Variants in GALNT18 observed in about 807,000 individuals in gnomAD.
The protein encoded by GALNT18 is GalNAc-transferase 18.
In GALNT18, 44 loss-of-function variants were observed where a neutral mutation model predicts 69.5. The ratio of observed to expected loss-of-function variants is 0.63; its 90% CI spans 0.50 to 0.81. The LOEUF (loss-of-function observed/expected upper bound fraction) is 0.81. GALNT18 is among the 40% of genes least tolerant of loss of function. The probability of loss-of-function intolerance (pLI) is 0.00; values close to 1 mark genes in which losing one functional copy is unlikely to be tolerated. For synonymous variants in GALNT18, 364 were observed against 318.2 expected, an observed-to-expected ratio of 1.14 and a Z score of -1.53; for missense variants, 715 against 810.0, an observed-to-expected ratio of 0.88 and a Z score of 1.42.
intron 2 of GALNT18, among the ~76,000 whole-genome samples, chr11:11,442,876 A>G (rs1855562924): frequency 1.3e-5 from 2 of 152,198 alleles, no homozygotes; most frequent in Non-Finnish European, 2.9e-5. Context: ...ACTGGTGAGA[A>G]GGGCAAAGTC....
At chr11:11,418,720 T>C (rs892922580) in intron 3 of GALNT18, among the ~76,000 whole-genome samples, 3 of 152,226 alleles carry the variant, frequency 2.0e-5, no homozygotes, top group Non-Finnish European at 2.9e-5. Context: ...CTGAGCGTGA[T>C]GGCTGACACT....
intron 10 of GALNT18, among the ~76,000 whole-genome samples, chr11:11,290,493 G>A (rs1270016700): frequency 6.6e-6 from 1 of 152,128 alleles, no homozygotes; most frequent in African/African-American, 2.4e-5. Context: ...TGGCCTTCCA[G>A]ACTCTTCAGC....
rs536800990 is a variant in GALNT18, at chr11:11,310,278, G to A, written c.1512+16808C>T. ...CACCCAAGAAGCCCCCAGAGGGTGC[G>A]AGAAGGGGAACACTGGCTCATTCCA... On this transcript the variant is annotated intron_variant, in intron 9 of 10. Coordinates refer to ENST00000227756, the MANE Select transcript of GALNT18 (RefSeq NM_198516.3). 2.0e-5 allele frequency among the ~76,000 whole-genome samples: 3 copies of A among 152,348 alleles called. No individual in the cohort carries two copies. In the East Asian group the frequency reaches 5.8e-4, roughly 29 times the overall value.
chr11:11,569,302 T>C (rs1213826992), intron 1 of GALNT18, among the ~76,000 whole-genome samples: 2 of 150,730 alleles, frequency 1.3e-5, no homozygotes, highest in African/African-American at 2.4e-5. Flanking sequence ...AGCTCAATGT[T>C]TTAGCTTTCT....
intron 1 of GALNT18, among the ~76,000 whole-genome samples, chr11:11,580,471 G>A (rs141543115): frequency 4.9e-4 from 74 of 152,212 alleles, no homozygotes; most frequent in African/African-American, 1.5e-3. Flanking sequence ...CCTCCCTTCC[G>A]CATCCTGCTA....
rs1283598486 is a variant in GALNT18 at position 11,573,443 on chromosome 11, G to C, written c.235+47916C>G. ...GCCACAATTAACTGAGCACTTACTT[G>C]GTGCCAGGAACTTGCTCACAAACGA... On this transcript the variant is annotated intron_variant, in intron 1 of 10. Coordinates refer to ENST00000227756, the MANE Select transcript of GALNT18 (RefSeq NM_198516.3). This position sits in a 1 kb window ranked among gnomAD's most constrained non-coding sequence, Gnocchi z 4.6. 1.3e-5 allele frequency: 2 copies of C among 152,190 alleles called. No homozygotes were observed. Among genetic ancestry groups the C allele is most frequent in the Non-Finnish European group, 2.9e-5 (2 of 68,040 alleles). The allele number at this position is 152,190 out of a possible 1,614,324, so 9.4% of individuals were successfully genotyped here.
At chr11:11,293,301 A>G in intron 9 of GALNT18, 108 bp from the exon 10 acceptor site, 1 of 876,738 alleles carries the variant, frequency 1.1e-6, no homozygotes, top group Non-Finnish European at 1.5e-6. Flanking sequence ...ACAGTTAGGG[A>G]AGACCCCGGA....
At chr11:11,409,224 T>C (rs573211274) in intron 3 of GALNT18, among the ~76,000 whole-genome samples, 2 of 152,232 alleles carry the variant, frequency 1.3e-5, no homozygotes, top group Non-Finnish European at 2.9e-5. Flanking sequence ...GCAGCCAGGA[T>C]GCTCTTCTCC....
In GALNT18 at chr11:11,339,757, C is replaced by T. The variant is rs1355986415; in HGVS notation, c.1278+1062G>A. Among the ~76,000 whole-genome samples the T allele has an allele frequency of 6.6e-6, 1 of 152,202 alleles. No homozygotes were observed. The highest frequency in any genetic ancestry group is 2.4e-5 in the African/African-American group (1 of 41,456). ...CTGATTGTGGGAGTATGCAACCCAA[C>T]TCAAGTTCCCCTCTCCTACGGTGGT... On this transcript the variant is annotated intron_variant, in intron 7 of 10. Coordinates refer to ENST00000227756, the MANE Select transcript of GALNT18 (RefSeq NM_198516.3). This position sits in a 1 kb window ranked among gnomAD's most constrained non-coding sequence, Gnocchi z 5.2.
rs368911998 is a variant in GALNT18, at chr11:11,379,193, C to T, written c.667G>A (p.Val223Met). The change falls in exon 4 of 11, where the codon GTG becomes ATG. Residue 223 changes from valine (V) to methionine (M), a missense_variant. By Grantham distance (21) the Val-to-Met change is conservative (BLOSUM62 1). Coordinates refer to ENST00000227756, the MANE Select transcript of GALNT18 (RefSeq NM_198516.3). ...NSQKPGFIKV[V>M]RHSKQEGLIR... Reference sequence around the variant, plus strand: ...AGGCCTTCCTGCTTGCTGTGACGCACGACTTTGATGAAGCCTGGCTTCTGG... The same window carrying T: ...AGGCCTTCCTGCTTGCTGTGACGCATGACTTTGATGAAGCCTGGCTTCTGG... The T allele has an allele frequency of 2.0e-5, 32 of 1,612,784 alleles. No individual in the cohort carries two copies. The highest frequency in any genetic ancestry group is 6.7e-5 in the East Asian group (3 of 44,856).
chr11:11,288,697 G>A (rs1849240734), intron 10 of GALNT18, among the ~76,000 whole-genome samples: 1 of 152,172 alleles, frequency 6.6e-6, no homozygotes, highest in Non-Finnish European at 1.5e-5. Context: ...TTCATCAAAT[G>A]TGGTTTCTCA....
chr11:11,322,379 C>T (rs1255463869), intron 9 of GALNT18, among the ~76,000 whole-genome samples: 1 of 152,202 alleles, frequency 6.6e-6, no homozygotes, highest in Non-Finnish European at 1.5e-5. Context: ...CCAACATCTA[C>T]CATCACACAG....
At chr11:11,276,018 C>G (rs981342490) in intron 10 of GALNT18, among the ~76,000 whole-genome samples, 3 of 152,178 alleles carry the variant, frequency 2.0e-5, no homozygotes, top group Non-Finnish European at 2.9e-5. Flanking sequence ...TATGCAGGCT[C>G]TTTTTTGGTT....
Position 11,347,837 on chromosome 11 carries a change from CAG to C in GALNT18, c.1093-6835_1093-6834del, listed in dbSNP as rs551464022. 5.9e-4 allele frequency among the ~76,000 whole-genome samples: 90 copies of C among 152,306 alleles called. No homozygotes were observed. Among genetic ancestry groups the C allele is most frequent in the Non-Finnish European group, 1.1e-3 (76 of 68,022 alleles). The stretch of plus-strand genomic sequence containing the variant: ...GTCTCGCCTAACTTGGCTGCAAAAG[CAG>C]AGACAAGAGTGAAAAGCCAAAACCA... On this transcript the variant is annotated intron_variant, in intron 6 of 10. Coordinates refer to ENST00000227756, the MANE Select transcript of GALNT18 (RefSeq NM_198516.3). The surrounding 1 kb of genome is among the most constrained non-coding windows in gnomAD (Gnocchi z 4.0).
intron 1 of GALNT18, among the ~76,000 whole-genome samples, chr11:11,579,293 CACCTGTCACCAT>C (rs1213543748): frequency 2.0e-4 from 30 of 152,150 alleles, no homozygotes; most frequent in Admixed American, 2.0e-3. Context: ...AGTCGAGCCC[CACCTGTCACCAT>C]ACTCTAGGTT....
chr11:11,412,146 G>A (rs1166467906), intron 3 of GALNT18, among the ~76,000 whole-genome samples: 1 of 152,244 alleles, frequency 6.6e-6, no homozygotes, highest in South Asian at 2.1e-4. Context: ...GGGGTGCCAA[G>A]GGAGTGCCTT....
chr11:11,302,953 C>T (rs776081411), intron 9 of GALNT18, among the ~76,000 whole-genome samples: 102 of 152,196 alleles, frequency 6.7e-4, no homozygotes, highest in Admixed American at 3.5e-3. Flanking sequence ...CGGGGCTCAG[C>T]CTCTCCTGGA....
At chr11:11,403,727 C>T (rs116009748) in intron 3 of GALNT18, among the ~76,000 whole-genome samples, 1 of 152,168 alleles carries the variant, frequency 6.6e-6, no homozygotes, top group Non-Finnish European at 1.5e-5. Context: ...TAGACAGTAG[C>T]CTTGCCTCAC....
chr11:11,532,851 C>T (rs1857686356), intron 1 of GALNT18, among the ~76,000 whole-genome samples: 1 of 152,204 alleles, frequency 6.6e-6, no homozygotes, highest in East Asian at 1.9e-4. Context: ...AAGGCCAGGG[C>T]AAGCACTCAA....
Sources: gnomAD v4.1 joint callset for allele counts (sites outside exome capture counted in the v4.1 genomes callset) on GRCh38, gnomAD v4.1.1 for gene constraint, Gnocchi (gnomAD v3.1) non-coding constraint, MANE v1.5 for transcripts, NCBI Gene and HGNC (gene_info 2026-07-23, HGNC 2026-07-21) for gene names.